The following DLGAP1 variants were observed in gnomAD, a reference collection of about 807,000 sequenced individuals.
The protein encoded by DLGAP1 is disks large-associated protein 1.
DLGAP1 carries 11 observed loss-of-function variants against 90.8 expected under a neutral mutation model. The observed-to-expected ratio is 0.12, with a 90% CI of 0.08 to 0.20. The LOEUF (loss-of-function observed/expected upper bound fraction) is 0.20, where lower values mean the gene tolerates loss of function less well. Among genes scored for constraint, DLGAP1 ranks in the 10% least tolerant of loss-of-function variants. The pLI, the probability that DLGAP1 is intolerant of heterozygous loss-of-function variation, is 1.00. For synonymous variants in DLGAP1, 558 were observed against 540.7 expected, an observed-to-expected ratio of 1.03 and a Z score of -0.44; for missense variants, 1,050 against 1,333.8, an observed-to-expected ratio of 0.79 and a Z score of 3.31.
intron 5 of DLGAP1, among the ~76,000 whole-genome samples, chr18:3,746,256 A>G (rs2063266326): frequency 6.6e-5 from 10 of 152,170 alleles, no homozygotes; most frequent in Admixed American, 5.2e-4. Context: ...AAGTTCTCCA[A>G]TACAATATAG....
chr18:4,160,048 C>T (rs904011141), intron 1 of DLGAP1, among the ~76,000 whole-genome samples: 1 of 152,236 alleles, frequency 6.6e-6, no homozygotes, highest in African/African-American at 2.4e-5. Flanking sequence ...GATATCACAA[C>T]TGTTGTCTTG....
In DLGAP1 at chr18:3,580,153, C is replaced by T. The variant is rs148638145; in HGVS notation, c.1965+1722G>A. 7.2e-4 allele frequency: 913 copies of T among 1,260,432 alleles called. 8 individuals carry two copies. In the African/African-American group the frequency reaches 0.012, roughly 17 times the overall value. 78.1% of individuals were successfully genotyped at this position (1,260,432 alleles called of 1,614,324 possible). ...AAATAATAGCTGCTAATAATGTCTACAAAGAAAATACTTTCAGAAACCCTG... is the reference window on the plus strand; with the variant it reads ...AAATAATAGCTGCTAATAATGTCTATAAAGAAAATACTTTCAGAAACCCTG... On this transcript the variant is annotated intron_variant, in intron 8 of 12. Coordinates refer to ENST00000315677, the MANE Select transcript of DLGAP1 (RefSeq NM_004746.4).
intron 3 of DLGAP1, among the ~76,000 whole-genome samples, chr18:3,894,093 C>T (rs2071553283): frequency 6.6e-6 from 1 of 152,026 alleles, no homozygotes; most frequent in Non-Finnish European, 1.5e-5. Flanking sequence ...TGTTGAGTTG[C>T]TTGAGTTCCT....
chr18:4,105,771 C>T (rs1385342556), intron 2 of DLGAP1, among the ~76,000 whole-genome samples: 1 of 152,124 alleles, frequency 6.6e-6, no homozygotes, highest in Non-Finnish European at 1.5e-5. Context: ...TGGCTCACGC[C>T]TGTAATCCCA....
At chr18:3,745,236 C>T (rs2063219413) in intron 5 of DLGAP1, among the ~76,000 whole-genome samples, 1 of 152,160 alleles carries the variant, frequency 6.6e-6, no homozygotes, top group Admixed American at 6.5e-5. Flanking sequence ...TATGGAGTTT[C>T]TCTTTGCAGT....
intron 1 of DLGAP1, among the ~76,000 whole-genome samples, chr18:4,270,523 T>C (rs1316076211): frequency 6.6e-6 from 1 of 152,188 alleles, no homozygotes; most frequent in Non-Finnish European, 1.5e-5. Context: ...TCCAAAATAT[T>C]TCACATTGAT....
chr18:3,737,993 G>T (rs1455271400), intron 6 of DLGAP1, among the ~76,000 whole-genome samples: 16 of 150,564 alleles, frequency 1.1e-4, no homozygotes, highest in South Asian at 1.0e-3. Flanking sequence ...GACAAACAGA[G>T]AGCCAAATCA....
intron 3 of DLGAP1, among the ~76,000 whole-genome samples, chr18:3,965,885 T>C (rs542316656): frequency 6.2e-4 from 89 of 144,670 alleles, no homozygotes; most frequent in African/African-American, 2.2e-3. Flanking sequence ...GAGGCGGAGG[T>C]TGCCGTGAGC....
At chr18:4,051,213 C>G (rs925982547) in intron 2 of DLGAP1, among the ~76,000 whole-genome samples, 3 of 152,106 alleles carry the variant, frequency 2.0e-5, no homozygotes, top group Admixed American at 6.5e-5. Flanking sequence ...CCCTATTTTT[C>G]TATTTACCTT....
chr18:4,163,696 C>G (rs2076885416), intron 1 of DLGAP1, among the ~76,000 whole-genome samples: 2 of 152,152 alleles, frequency 1.3e-5, no homozygotes, highest in South Asian at 4.1e-4. Context: ...AACAGAAATG[C>G]TGGGAGCCTC....
At chr18:3,570,165 A>G (rs2054683393) in intron 8 of DLGAP1, among the ~76,000 whole-genome samples, 1 of 151,950 alleles carries the variant, frequency 6.6e-6, no homozygotes, top group African/African-American at 2.4e-5. Context: ...TGACGAAATC[A>G]CCTAATAACA....
chr18:4,365,035 T>A (rs1451159650), intron 1 of DLGAP1, among the ~76,000 whole-genome samples: 1 of 152,186 alleles, frequency 6.6e-6, no homozygotes, highest in East Asian at 1.9e-4. Flanking sequence ...TTGTTATGAT[T>A]TCATTTCTTT....
chr18:3,955,273 C>G (rs1275806089), intron 3 of DLGAP1, among the ~76,000 whole-genome samples: 2 of 152,146 alleles, frequency 1.3e-5, no homozygotes, highest in Non-Finnish European at 2.9e-5. Context: ...TCTAACAAAT[C>G]ATAAAAGCAA....
chr18:4,211,830 T>C (rs889134273), intron 1 of DLGAP1, among the ~76,000 whole-genome samples: 4 of 152,186 alleles, frequency 2.6e-5, no homozygotes, highest in African/African-American at 4.8e-5. Context: ...AAAGTCACTG[T>C]AGTAATGAAG....
At chr18:3,830,086 C>T (rs902938343) in intron 4 of DLGAP1, among the ~76,000 whole-genome samples, 2 of 152,210 alleles carry the variant, frequency 1.3e-5, no homozygotes, top group African/African-American at 4.8e-5. Context: ...AGGAGACCCA[C>T]AAAGGCCATG....
chr18:4,406,467 C>T (rs2144573394), intron 1 of DLGAP1, among the ~76,000 whole-genome samples: 1 of 152,260 alleles, frequency 6.6e-6, no homozygotes, highest in Middle Eastern at 3.4e-3. Flanking sequence ...TGTTTTTATG[C>T]ACATATTTTA....
intron 7 of DLGAP1, among the ~76,000 whole-genome samples, chr18:3,583,183 TACC>T (rs1235868674): frequency 7.0e-5 from 10 of 143,342 alleles, no homozygotes; most frequent in East Asian, 2.2e-4. Flanking sequence ...CCTACCTACC[TACC>T]TTCCTTCCTT....
Position 3,785,161 on chromosome 18 carries a change from G to A in DLGAP1, c.1172+28898C>T, listed in dbSNP as rs192497110. On this transcript the variant is annotated intron_variant, in intron 5 of 12. Coordinates refer to ENST00000315677, the MANE Select transcript of DLGAP1 (RefSeq NM_004746.4). The stretch of plus-strand genomic sequence containing the variant: ...GAACAGGCTGTATTAGTTTCCTGTT[G>A]CTGCTGTAACAAATTACCACAAGCT... Among the ~76,000 whole-genome samples the A allele has an allele frequency of 3.3e-5, 5 of 152,276 alleles. No individual in the cohort carries two copies. In the East Asian group the frequency reaches 9.6e-4, roughly 29 times the overall value.
chr18:3,664,183 TACAC>T (rs35653599), intron 7 of DLGAP1, among the ~76,000 whole-genome samples: 5,087 of 135,670 alleles, frequency 0.037, 135 homozygotes, highest in South Asian at 0.097. Flanking sequence ...TGGGTCAGTA[TACAC>T]ACACACACAC....
Sources: allele counts gnomAD v4.1 joint callset (sites outside exome capture counted in the v4.1 genomes callset), GRCh38; gene constraint gnomAD v4.1.1; transcripts MANE v1.5; gene names NCBI Gene and HGNC (gene_info 2026-07-23, HGNC 2026-07-21).